The following CNST variants were observed in gnomAD, a reference collection of about 807,000 sequenced individuals.
The protein encoded by CNST is consortin, connexin sorting protein, also known as consortin.
A neutral mutation model predicts 72.4 loss-of-function variants in CNST; 39 were observed. The observed-to-expected ratio is 0.54, with a 90% CI of 0.42 to 0.70. The LOEUF (loss-of-function observed/expected upper bound fraction) is 0.70, where lower values mean the gene tolerates loss of function less well. Ranked by LOEUF, CNST falls within the 30% of genes least tolerant of loss-of-function variation. The pLI is 0.00. For missense variants in CNST, 871 were observed against 868.5 expected (o/e 1.00, Z -0.04); for synonymous variants, 332 against 320.1 (o/e 1.04, Z -0.40).
At chr1:246,600,805 A>G (rs1662236078) in intron 2 of CNST, among the ~76,000 whole-genome samples, 1 of 152,128 alleles carries the variant, frequency 6.6e-6, no homozygotes, top group African/African-American at 2.4e-5. Context: ...TTGGCTAGAG[A>G]TACAGATTTG....
intron 10 of CNST, among the ~76,000 whole-genome samples, chr1:246,660,686 G>A (rs1205526278): frequency 6.6e-6 from 1 of 152,172 alleles, no homozygotes; most frequent in Non-Finnish European, 1.5e-5. Context: ...GCGTGCCACT[G>A]CACTTCAGCC....
intron 1 of CNST, among the ~76,000 whole-genome samples, chr1:246,581,014 C>T (rs1375850920): frequency 2.6e-5 from 4 of 152,196 alleles, no homozygotes; most frequent in African/African-American, 9.6e-5. Flanking sequence ...GCTGGGATTA[C>T]AGGCATGCGC....
intron 1 of CNST, among the ~76,000 whole-genome samples, chr1:246,590,532 G>A (rs1308464967): frequency 1.3e-5 from 2 of 151,906 alleles, no homozygotes; most frequent in African/African-American, 2.4e-5. Flanking sequence ...AATGGTATAG[G>A]GTGAATATTT....
chr1:246,661,815 G>T (rs1667119488), intron 10 of CNST, among the ~76,000 whole-genome samples: 1 of 152,124 alleles, frequency 6.6e-6, no homozygotes, highest in African/African-American at 2.4e-5. Context: ...AACAGTAGAG[G>T]TTTCTGCATT....
At chr1:246,605,128 A>G (rs1023897735) in intron 2 of CNST, among the ~76,000 whole-genome samples, 6 of 152,260 alleles carry the variant, frequency 3.9e-5, no homozygotes, top group Non-Finnish European at 7.3e-5. Flanking sequence ...TGATGAATTC[A>G]GTGTGCTTGG....
At chr1:246,642,780 A>G (rs185789814) in intron 8 of CNST, among the ~76,000 whole-genome samples, 66 of 25,060 alleles carry the variant, frequency 2.6e-3, no homozygotes, top group Middle Eastern at 0.017. Context: ...AGGAAGTATC[A>G]GGTGTTTTGG....
At chr1:246,623,955 CA>C (rs1424629778) in intron 3 of CNST, among the ~76,000 whole-genome samples, 11 of 151,408 alleles carry the variant, frequency 7.3e-5, no homozygotes, top group African/African-American at 2.7e-4. Flanking sequence ...CCCAGCTACT[CA>C]GGACGCTAAG....
rs1259136275 is a variant in CNST, at chr1:246,648,130, T to C, written c.1836+93T>C. 1.6e-5 allele frequency: 23 copies of C among 1,475,286 alleles called. No individual in the cohort carries two copies. The Middle Eastern group carries it at 1.0e-3, about 64-fold the overall frequency. The allele number at this position is 1,475,286 out of a possible 1,614,324, so 91.4% of individuals were successfully genotyped here. A position where few individuals can be genotyped will look rare whatever the true frequency, so the allele number is the denominator to read the frequency against. On this transcript the variant is annotated intron_variant, in intron 9 of 10. Transcript: ENST00000366513. ...TTGCCTTGTTTTTGTAAGTTTTCCCTTGTCTCAAACATGAGGGAAAATTCT... is the reference window on the plus strand; with the variant it reads ...TTGCCTTGTTTTTGTAAGTTTTCCCCTGTCTCAAACATGAGGGAAAATTCT...
intron 1 of CNST, among the ~76,000 whole-genome samples, chr1:246,569,678 C>G (rs1441915784): frequency 3.3e-5 from 5 of 152,158 alleles, no homozygotes; most frequent in African/African-American, 1.2e-4. Flanking sequence ...AATGATCCAC[C>G]TCAACCTCTC....
At chr1:246,642,133 G>GTTTTTTTTTTTTT (rs74163469) in intron 8 of CNST, 96 bp downstream of exon 8, 5 of 180,366 alleles carry the variant, frequency 2.8e-5, no homozygotes, top group African/African-American at 2.3e-4. Context: ...AAAGGATCTG[G>GTTTTTTTTTTTTT]TTTTTTTTTT....
In CNST at chr1:246,642,059, T is replaced by C. The variant is rs764668166; in HGVS notation, c.937+22T>C. On this transcript the variant is annotated intron_variant, in intron 8 of 10. Transcript: ENST00000366513. ...TCAGGTATGTTTTTAACTTAAGCTA[T>C]GGAGCAACGTAAAAGATACCTGCCT... The C allele has an allele frequency of 4.0e-5, 57 of 1,432,414 alleles. No homozygotes were observed. In the East Asian group the frequency reaches 1.3e-3, roughly 33 times the overall value. The allele number at this position is 1,432,414 out of a possible 1,614,324, so 88.7% of individuals were successfully genotyped here.
chr1:246,586,723 G>C (rs1196387947), intron 1 of CNST, among the ~76,000 whole-genome samples: 1 of 152,094 alleles, frequency 6.6e-6, no homozygotes, highest in African/African-American at 2.4e-5. Context: ...AACATTAAAG[G>C]AATGCAGCAA....
intron 6 of CNST, among the ~76,000 whole-genome samples, chr1:246,635,165 A>G (rs1665110378): frequency 6.6e-6 from 1 of 152,136 alleles, no homozygotes; most frequent in Non-Finnish European, 1.5e-5. Context: ...AACTTTCTCC[A>G]TAACTACTTC....
intron 3 of CNST, among the ~76,000 whole-genome samples, chr1:246,621,960 ACTCC>A (rs1572191699): frequency 6.6e-6 from 1 of 152,176 alleles, no homozygotes; most frequent in East Asian, 1.9e-4. Flanking sequence ...GCACCACTGC[ACTCC>A]AGCCTGGGAG....
At chr1:246,655,135 C>T (rs1176943706) in intron 9 of CNST, among the ~76,000 whole-genome samples, 1 of 152,050 alleles carries the variant, frequency 6.6e-6, no homozygotes, top group Non-Finnish European at 1.5e-5. Flanking sequence ...ACTAAATTGC[C>T]CCCTTAAGCA....
At chr1:246,644,240 T>A (rs1665898514) in intron 8 of CNST, among the ~76,000 whole-genome samples, 1 of 151,938 alleles carries the variant, frequency 6.6e-6, no homozygotes, top group Non-Finnish European at 1.5e-5. Context: ...TACAAAAAAA[T>A]TAGCCGGGCG....
At chr1:246,586,824 T>C (rs1661231786) in intron 1 of CNST, among the ~76,000 whole-genome samples, 1 of 152,212 alleles carries the variant, frequency 6.6e-6, no homozygotes, top group African/African-American at 2.4e-5. Context: ...TATTGGAAAT[T>C]GTTCATTTTG....
chr1:246,633,525 G>A (rs1036223949), intron 4 of CNST, among the ~76,000 whole-genome samples: 1 of 151,816 alleles, frequency 6.6e-6, no homozygotes, highest in Non-Finnish European at 1.5e-5. Context: ...GGCAGATCAC[G>A]AGGTGAGGAG....
At chr1:246,657,689 A>G (rs1417289605) in intron 9 of CNST, among the ~76,000 whole-genome samples, 4 of 152,132 alleles carry the variant, frequency 2.6e-5, no homozygotes, top group Non-Finnish European at 5.9e-5. Flanking sequence ...CCACAGCCAA[A>G]CACCACCCTC....
Sources: gnomAD v4.1 joint callset for allele counts (sites outside exome capture counted in the v4.1 genomes callset) on GRCh38, gnomAD v4.1.1 for gene constraint, MANE v1.5 for transcripts, NCBI Gene and HGNC (gene_info 2026-07-23, HGNC 2026-07-21) for gene names.